Variants in EDRF1 observed in about 807,000 individuals in gnomAD.
EDRF1 encodes the protein erythroid differentiation regulatory factor 1, also known as erythroid differentiation-related factor 1.
EDRF1 carries 69 observed loss-of-function variants against 148.7 expected under a neutral mutation model. The ratio of observed to expected loss-of-function variants is 0.46; its 90% CI spans 0.38 to 0.57. EDRF1 has a LOEUF of 0.57. Ranked by LOEUF, EDRF1 falls within the 20% of genes least tolerant of loss-of-function variation. The pLI is 0.00. For synonymous variants in EDRF1, 515 were observed against 532.8 expected (o/e 0.97, Z 0.46); for missense variants, 1,118 against 1,478.7 (o/e 0.76, Z 4.00).
chr10:125,754,200 A>G (rs1159406068), intron 24 of EDRF1, among the ~76,000 whole-genome samples: 1 of 149,892 alleles, frequency 6.7e-6, no homozygotes, highest in Non-Finnish European at 1.5e-5. Flanking sequence ...TAGGCAACAG[A>G]GTGAGACACC....
intron 24 of EDRF1, among the ~76,000 whole-genome samples, chr10:125,757,704 A>C (rs1304544414): frequency 6.6e-6 from 1 of 152,112 alleles, no homozygotes; most frequent in Non-Finnish European, 1.5e-5. Context: ...CAGAGTATAG[A>C]ATTCTGGGTT....
At chr10:125,727,172 G>T (rs1214214003) in intron 6 of EDRF1, among the ~76,000 whole-genome samples, 1 of 152,150 alleles carries the variant, frequency 6.6e-6, no homozygotes, top group Non-Finnish European at 1.5e-5. Context: ...GCCTGCAGAG[G>T]CCTGTTCCTC....
At chr10:125,732,591 G>A (rs1296548785) in intron 9 of EDRF1, among the ~76,000 whole-genome samples, 1 of 151,928 alleles carries the variant, frequency 6.6e-6, no homozygotes, top group Non-Finnish European at 1.5e-5. Context: ...GAGAGAAGGA[G>A]AACAAGAATA....
At chr10:125,757,902 T>A (rs1463609681) in intron 24 of EDRF1, among the ~76,000 whole-genome samples, 7 of 152,262 alleles carry the variant, frequency 4.6e-5, no homozygotes, top group Non-Finnish European at 7.3e-5. Context: ...TGATGGCTTT[T>A]ACCTCTGGCT....
At chr10:125,739,015 A>G (rs1179016720) in intron 15 of EDRF1, among the ~76,000 whole-genome samples, 1 of 152,208 alleles carries the variant, frequency 6.6e-6, no homozygotes, top group East Asian at 1.9e-4. Flanking sequence ...CATCATGAAG[A>G]ATATATGGAC....
At chr10:125,725,292 A>C in intron 4 of EDRF1, 26 bp from the exon 5 acceptor site, 1 of 1,613,374 alleles carries the variant, frequency 6.2e-7, no homozygotes, top group South Asian at 1.1e-5. Flanking sequence ...GTGTTGTATT[A>C]ATAATATGTA....
In EDRF1 at chr10:125,738,310, G is replaced by A. The variant is rs532300855; in HGVS notation, c.1846G>A (p.Asp616Asn). 3 of 1,613,890 alleles carry A rather than the reference G, an allele frequency of 1.9e-6. No homozygotes were observed. The highest frequency in any genetic ancestry group is 1.7e-6 in the Non-Finnish European group (2 of 1,179,950). ...TTTTTTGCAGGGTTTAAAATCTGTC[G>A]ATAGCAGCATCAAAAAAGAAAGCGA... ...SYVLEGLKSVDSSIKKESDLP... is the reference protein window; with the variant it reads ...SYVLEGLKSVNSSIKKESDLP... The change falls in exon 15 of 25, where the codon GAT becomes AAT. Residue 616 changes from aspartate to asparagine, a missense_variant. Asp to Asn is a conservative substitution (Grantham distance 23). Around this residue, in one of 3 missense-constraint regions of EDRF1, gnomAD observed 954 missense variants for 1,241.4 expected, o/e 0.77. Coordinates refer to ENST00000356792, the MANE Select transcript of EDRF1 (RefSeq NM_001202438.2).
At chr10:125,756,694 A>G (rs1564754476) in intron 24 of EDRF1, 4 of 341,808 alleles carry the variant, frequency 1.2e-5, no homozygotes, top group Non-Finnish European at 2.2e-5. Context: ...CTCTTTGATA[A>G]TATAGCTACT....
At chr10:125,746,072 C>G (rs902026758) in intron 19 of EDRF1, 142 bp downstream of exon 19, 2 of 746,896 alleles carry the variant, frequency 2.7e-6, no homozygotes, top group African/African-American at 3.5e-5. Flanking sequence ...CGTGAAAACA[C>G]TTGCAACCTG....
At chr10:125,745,584 C>T (rs370844948) in intron 18 of EDRF1, 123 bp from the exon 19 acceptor site, 1 of 928,124 alleles carries the variant, frequency 1.1e-6, no homozygotes, top group Middle Eastern at 2.7e-4. Flanking sequence ...TGGTTGACTG[C>T]AGGTGACTGG....
chr10:125,763,713 A>G lies in EDRF1; in HGVS notation c.*241A>G. Reference sequence around the variant, plus strand: ...TCCACTATTTATGTCTTTGAGAAGTATGTAGTACCTCGGTATTAACAGACC... The same window carrying G: ...TCCACTATTTATGTCTTTGAGAAGTGTGTAGTACCTCGGTATTAACAGACC... On this transcript the variant is annotated 3_prime_UTR_variant, in exon 25 of 25. Coordinates refer to ENST00000356792, the MANE Select transcript of EDRF1 (RefSeq NM_001202438.2). The surrounding 1 kb of genome is among the most constrained non-coding windows in gnomAD (Gnocchi z 4.3). 1 of 560,952 alleles carries G rather than the reference A, an allele frequency of 1.8e-6. No individual in the cohort carries two copies. Among genetic ancestry groups the G allele is most frequent in the South Asian group, 2.0e-5 (1 of 49,090 alleles). 34.7% of individuals were successfully genotyped at this position (560,952 alleles called of 1,614,324 possible). A position where few individuals can be genotyped will look rare whatever the true frequency, so the allele number is the denominator to read the frequency against.
At chr10:125,726,345 A>T (rs967905509) in intron 6 of EDRF1, among the ~76,000 whole-genome samples, 8 of 152,222 alleles carry the variant, frequency 5.3e-5, no homozygotes, top group Non-Finnish European at 7.3e-5. Flanking sequence ...TTTTCCAGAT[A>T]AAATTCCTGA....
At chr10:125,746,804 T>TG (rs1849378942) in intron 19 of EDRF1, 1 of 152,336 alleles carries the variant, frequency 6.6e-6, no homozygotes, top group Non-Finnish European at 1.5e-5. Flanking sequence ...TTGGCCAGGC[T>TG]GGTCTCAAAC....
chr10:125,737,961 G>A lies in EDRF1; in HGVS notation c.1802G>A (p.Cys601Tyr), dbSNP rs751823303. Residue 601 changes from cysteine to tyrosine, a missense_variant, in exon 14 of 25, where the codon TGT becomes TAT. Coordinates refer to ENST00000356792, the MANE Select transcript of EDRF1 (RefSeq NM_001202438.2). ...GTTTGCCATGACACAGAAGAGCGCT[G>A]TAGACTTGTGCTTAGCTATGTTCTA... ...FPVCHDTEER[C>Y]RLVLSYVLEG... The A allele has an allele frequency of 6.2e-7, 1 of 1,613,984 alleles. No individual in the cohort carries two copies. The highest frequency in any genetic ancestry group is 8.5e-7 in the Non-Finnish European group (1 of 1,179,936).
At chr10:125,746,011 T>A in intron 19 of EDRF1, 81 bp downstream of exon 19, 1 of 1,313,456 alleles carries the variant, frequency 7.6e-7, no homozygotes, top group Non-Finnish European at 1.1e-6. Context: ...ACTAAAATAC[T>A]ATAAAACTAA....
At chr10:125,740,857 A>G (rs1350924254) in intron 16 of EDRF1, 144 bp from the exon 17 acceptor site, 4 of 1,080,672 alleles carry the variant, frequency 3.7e-6, no homozygotes, top group Non-Finnish European at 5.6e-6. Context: ...TGAAGCCGTA[A>G]TATGTATTGT....
rs7908254 is a variant in EDRF1 at position 125,741,981 on chromosome 10, A to G, written c.2371+780A>G. On this transcript the variant is annotated intron_variant, in intron 17 of 24. Transcript: ENST00000356792. ...AGTGCTGGGATTACAGGCACGAGCC[A>G]CTGCACCCAGCCTTGTGTCAGCTTT... Among the ~76,000 whole-genome samples the G allele has an allele frequency of 1.6e-3, 242 of 152,352 alleles. 1 individual carries two copies. The highest frequency in any genetic ancestry group is 5.4e-3 in the African/African-American group (224 of 41,584).
chr10:125,735,245 T>C (rs548318287), intron 12 of EDRF1, among the ~76,000 whole-genome samples: 80 of 152,156 alleles, frequency 5.3e-4, no homozygotes, highest in Non-Finnish European at 1.1e-3. Context: ...AGTTACCTAT[T>C]ATAGAGAAAC....
intron 2 of EDRF1, 73 bp from the exon 3 acceptor site, chr10:125,722,995 T>A: frequency 8.7e-7 from 1 of 1,153,020 alleles, no homozygotes; most frequent in Non-Finnish European, 1.3e-6. Flanking sequence ...TGAGCTACAG[T>A]ATTGTTATTA....
Sources: allele counts gnomAD v4.1 joint callset (sites outside exome capture counted in the v4.1 genomes callset), GRCh38; gene constraint gnomAD v4.1.1; regional missense constraint gnomAD v4.1.1; non-coding constraint Gnocchi (gnomAD v3.1); transcripts MANE v1.5; gene names NCBI Gene and HGNC (gene_info 2026-07-23, HGNC 2026-07-21).